DISC1: variants seen among roughly 807,000 people sequenced by gnomAD.
The protein encoded by DISC1 is disrupted in schizophrenia 1 protein.
A neutral mutation model predicts 84.5 loss-of-function variants in DISC1; 57 were observed. The observed-to-expected ratio is 0.67, with a 90% CI of 0.55 to 0.84. The LOEUF (loss-of-function observed/expected upper bound fraction) is 0.84. Ranked by LOEUF, DISC1 falls within the 40% of genes least tolerant of loss-of-function variation. DISC1 has a pLI of 0.00. For missense variants in DISC1, 1,000 were observed against 1,057.8 expected (o/e 0.95, Z 0.76); for synonymous variants, 411 against 415.2 (o/e 0.99, Z 0.12).
chr1:232,023,119 G>T (rs1359801429), intron 11 of DISC1, among the ~76,000 whole-genome samples: 1 of 151,918 alleles, frequency 6.6e-6, no homozygotes, highest in Non-Finnish European at 1.5e-5. Context: ...CAAATTTTAG[G>T]GATGTTAAAG....
rs910473066 is a variant in DISC1, at chr1:231,633,591, C to T, written c.67+6657C>T. On this transcript the variant is annotated intron_variant, in intron 1 of 12. Coordinates refer to ENST00000439617, the MANE Select transcript of DISC1 (RefSeq NM_018662.3). ...CCATTTCAGGAAGCCTAGATAGCTT[C>T]TTTGCAGTCATCTGCCCGAATGTCG... is the stretch of plus-strand genomic sequence containing the variant. Among the ~76,000 whole-genome samples, 8 of 152,190 alleles carry T rather than the reference C, an allele frequency of 5.3e-5. No homozygotes were observed. In the South Asian group the frequency reaches 6.2e-4, roughly 12 times the overall value.
chr1:231,718,231 C>T (rs1385514486), intron 3 of DISC1, among the ~76,000 whole-genome samples: 1 of 152,162 alleles, frequency 6.6e-6, no homozygotes, highest in Non-Finnish European at 1.5e-5. Flanking sequence ...AATCCCTTTC[C>T]AATCATCCTT....
chr1:231,627,314 T>A (rs894557217), intron 1 of DISC1, among the ~76,000 whole-genome samples: 2 of 151,934 alleles, frequency 1.3e-5, no homozygotes, highest in Non-Finnish European at 2.9e-5. Flanking sequence ...CCGCCTGCAC[T>A]CTCGTTGCGG....
chr1:231,842,973 G>T (rs887308306), intron 9 of DISC1, among the ~76,000 whole-genome samples: 3 of 152,090 alleles, frequency 2.0e-5, no homozygotes, highest in Non-Finnish European at 4.4e-5. Context: ...GAGCCACTAC[G>T]TGCCGGGCTG....
intron 11 of DISC1, among the ~76,000 whole-genome samples, chr1:232,025,987 A>G (rs1669434446): frequency 6.6e-6 from 1 of 152,098 alleles, no homozygotes; most frequent in African/African-American, 2.4e-5. Context: ...CAGTGTGTAA[A>G]CAAATGTTCA....
Position 231,850,442 on chromosome 1 carries a change from G to A in DISC1, c.1981+31925G>A, listed in dbSNP as rs113410296. On this transcript the variant is annotated intron_variant, in intron 9 of 12. Coordinates refer to ENST00000439617, the MANE Select transcript of DISC1 (RefSeq NM_018662.3). ...GTTGCTTAACCTTCTAGTAAACCAT[G>A]AATTTCTCTCACATGTCCTTGGGGT... 1.1e-4 allele frequency among the ~76,000 whole-genome samples: 17 copies of A among 152,364 alleles called. 1 individual carries two copies. Among genetic ancestry groups the A allele is most frequent in the African/African-American group, 3.8e-4 (16 of 41,580 alleles).
At chr1:231,903,142 G>A (rs938101528) in intron 9 of DISC1, among the ~76,000 whole-genome samples, 5 of 150,378 alleles carry the variant, frequency 3.3e-5, no homozygotes, top group African/African-American at 7.4e-5. Flanking sequence ...GCTCACTGTA[G>A]CCTCAAACTC....
chr1:231,680,883 T>A (rs925252780), intron 1 of DISC1, among the ~76,000 whole-genome samples: 1 of 152,174 alleles, frequency 6.6e-6, no homozygotes, highest in Admixed American at 6.5e-5. Context: ...ACTGTGAACT[T>A]TACAGATGGA....
At chr1:231,884,818 C>A (rs1415532820) in intron 9 of DISC1, among the ~76,000 whole-genome samples, 2 of 151,430 alleles carry the variant, frequency 1.3e-5, no homozygotes, top group African/African-American at 2.4e-5. Flanking sequence ...AAAAAGAAAA[C>A]CAGAATATAA....
intron 9 of DISC1, among the ~76,000 whole-genome samples, chr1:231,835,529 G>A (rs1345333071): frequency 6.6e-6 from 1 of 152,150 alleles, no homozygotes; most frequent in African/African-American, 2.4e-5. Context: ...GGCAGGAACA[G>A]GCCATTTTCA....
At chr1:231,775,247 G>T (rs1408895338) in intron 6 of DISC1, among the ~76,000 whole-genome samples, 2 of 152,130 alleles carry the variant, frequency 1.3e-5, no homozygotes, top group Non-Finnish European at 2.9e-5. Flanking sequence ...GCTTTGTTTC[G>T]TGGACAACGA....
At chr1:231,844,926 CAA>C (rs1175955587) in intron 9 of DISC1, among the ~76,000 whole-genome samples, 37 of 68,730 alleles carry the variant, frequency 5.4e-4, no homozygotes, top group Admixed American at 1.4e-3. Context: ...GACTCTGACT[CAA>C]AAAAAAAAAA....
At chr1:231,925,503 G>A (rs2090310438) in intron 9 of DISC1, among the ~76,000 whole-genome samples, 1 of 152,140 alleles carries the variant, frequency 6.6e-6, no homozygotes, top group Non-Finnish European at 1.5e-5. Flanking sequence ...TGACCTCAGA[G>A]CTTCCCCTCC....
intron 3 of DISC1, among the ~76,000 whole-genome samples, chr1:231,739,816 C>G (rs944077389): frequency 6.6e-6 from 1 of 152,218 alleles, no homozygotes; most frequent in African/African-American, 2.4e-5. Flanking sequence ...GGAACCATTT[C>G]CACATCATCT....
intron 10 of DISC1, among the ~76,000 whole-genome samples, chr1:231,966,794 C>T (rs760312855): frequency 7.9e-5 from 12 of 152,204 alleles, no homozygotes; most frequent in East Asian, 1.9e-4. Flanking sequence ...CACAAACTCT[C>T]GAGCACTTAG....
intron 9 of DISC1, among the ~76,000 whole-genome samples, chr1:231,941,896 CTG>C (rs1489005662): frequency 6.6e-6 from 1 of 152,184 alleles, no homozygotes; most frequent in Non-Finnish European, 1.5e-5. Context: ...CAGCCAAGAA[CTG>C]TAGGGGAAAG....
At chr1:231,828,854 C>T (rs78235686) in intron 9 of DISC1, among the ~76,000 whole-genome samples, 4,027 of 152,214 alleles carry the variant, frequency 0.026, 168 homozygotes, top group African/African-American at 0.09. Flanking sequence ...ACAAATTTAT[C>T]ATTCCCAATC....
Position 232,040,096 on chromosome 1 carries a change from A to G in DISC1, c.*3265A>G, listed in dbSNP as rs1670721651. 6.6e-6 allele frequency: 1 copy of G among 151,904 alleles called. No individual in the cohort carries two copies. Among genetic ancestry groups the G allele is most frequent in the Admixed American group, 6.6e-5 (1 of 15,236 alleles). 9.4% of individuals were successfully genotyped at this position (151,904 alleles called of 1,614,324 possible). On this transcript the variant is annotated 3_prime_UTR_variant, in exon 13 of 13. Coordinates refer to ENST00000439617, the MANE Select transcript of DISC1 (RefSeq NM_018662.3). ...AACCTCTACCTCCCAGGTTCAAGCT[A>G]TTCTACTGCCTCAGCCTCCCAAGTA...
chr1:231,802,389 C>T (rs917367351), intron 8 of DISC1, among the ~76,000 whole-genome samples: 7 of 152,058 alleles, frequency 4.6e-5, no homozygotes, highest in Non-Finnish European at 1.0e-4. Flanking sequence ...CCTTGCTTTC[C>T]CCTTGCCTTC....
Sources: allele counts gnomAD v4.1 joint callset (sites outside exome capture counted in the v4.1 genomes callset), GRCh38; gene constraint gnomAD v4.1.1; transcripts MANE v1.5; gene names NCBI Gene and HGNC (gene_info 2026-07-23, HGNC 2026-07-21).